SLC44A5: variants seen among roughly 807,000 people sequenced by gnomAD.
SLC44A5 encodes the protein choline transporter-like protein 5.
SLC44A5 carries 57 observed loss-of-function variants against 101.8 expected under a neutral mutation model. The ratio of observed to expected loss-of-function variants is 0.56; its 90% CI spans 0.45 to 0.70. SLC44A5 has a LOEUF of 0.70. Ranked by LOEUF, SLC44A5 falls within the 30% of genes least tolerant of loss-of-function variation. The probability of loss-of-function intolerance (pLI) is 0.00; values close to 1 mark genes in which losing one functional copy is unlikely to be tolerated. For synonymous variants in SLC44A5, 281 were observed against 290.9 expected, an observed-to-expected ratio of 0.97 and a Z score of 0.35; for missense variants, 737 against 853.1, an observed-to-expected ratio of 0.86 and a Z score of 1.70.
At chr1:75,645,504 T>C in the SLC44A5 span, among the ~76,000 whole-genome samples, 4 of 151,820 alleles carry the variant, frequency 2.6e-5, no homozygotes, top group African/African-American at 9.7e-5. Flanking sequence ...TTTGTTTGAG[T>C]TCATTGTAGA....
chr1:75,513,483 T>G (rs1452184565), intron 2 of SLC44A5, among the ~76,000 whole-genome samples: 1 of 152,210 alleles, frequency 6.6e-6, no homozygotes, highest in African/African-American at 2.4e-5. Context: ...CATAAAAGCT[T>G]AAGAACAAAA....
chr1:75,504,464 T>TA (rs146278291), intron 2 of SLC44A5, among the ~76,000 whole-genome samples: 6,635 of 152,140 alleles, frequency 0.044, 235 homozygotes, highest in Non-Finnish European at 0.066. Context: ...TGTATGTCAA[T>TA]AAAAAACATT....
At chr1:75,633,601 C>T in the SLC44A5 span, among the ~76,000 whole-genome samples, 1 of 152,078 alleles carries the variant, frequency 6.6e-6, no homozygotes, top group Non-Finnish European at 1.5e-5. Flanking sequence ...AGTTGCCTAT[C>T]AGCTTAAGGA....
chr1:75,450,258 C>A (rs1665829473), intron 2 of SLC44A5, among the ~76,000 whole-genome samples: 1 of 152,132 alleles, frequency 6.6e-6, no homozygotes, highest in African/African-American at 2.4e-5. Flanking sequence ...CAAGGGGGAG[C>A]ACTGTGTTTC....
the SLC44A5 span, among the ~76,000 whole-genome samples, chr1:75,654,165 T>A: frequency 6.6e-6 from 1 of 152,208 alleles, no homozygotes; most frequent in Non-Finnish European, 1.5e-5. Context: ...GGTTTTACTT[T>A]CTCCACATGA....
At chr1:75,338,001 C>A (rs534362424) in intron 4 of SLC44A5, among the ~76,000 whole-genome samples, 1 of 152,192 alleles carries the variant, frequency 6.6e-6, no homozygotes, top group Non-Finnish European at 1.5e-5. Context: ...TCCTTAAACA[C>A]CCCAGTTATT....
At chr1:75,573,701 A>G (rs2102045725) in intron 1 of SLC44A5, among the ~76,000 whole-genome samples, 1 of 152,270 alleles carries the variant, frequency 6.6e-6, no homozygotes, top group Admixed American at 6.5e-5. Context: ...AACTATGCCG[A>G]TTTATTGTAT....
the SLC44A5 span, among the ~76,000 whole-genome samples, chr1:75,711,878 A>T: frequency 6.6e-6 from 1 of 152,024 alleles, no homozygotes; most frequent in Non-Finnish European, 1.5e-5. Flanking sequence ...TCTTATTCTG[A>T]CTCTGGCCAA....
chr1:75,278,730 CA>C (rs1228233743), intron 5 of SLC44A5, among the ~76,000 whole-genome samples: 1 of 152,006 alleles, frequency 6.6e-6, no homozygotes, highest in Non-Finnish European at 1.5e-5. Context: ...GCTTTAAGTG[CA>C]GGAGGAAATA....
At chr1:75,577,031 T>A (rs936663353) in intron 1 of SLC44A5, among the ~76,000 whole-genome samples, 24 of 152,190 alleles carry the variant, frequency 1.6e-4, no homozygotes, top group African/African-American at 5.1e-4. Context: ...CCAATGCTTT[T>A]CCCATGATTC....
At chr1:75,443,760 T>C (rs1557789065) in intron 2 of SLC44A5, among the ~76,000 whole-genome samples, 1 of 151,724 alleles carries the variant, frequency 6.6e-6, no homozygotes, top group Non-Finnish European at 1.5e-5. Context: ...AAAATTACTG[T>C]TTATTAAAGG....
chr1:75,256,576 C>G (rs1470327945), intron 6 of SLC44A5, among the ~76,000 whole-genome samples: 1 of 152,142 alleles, frequency 6.6e-6, no homozygotes. Flanking sequence ...TTTTCAAATT[C>G]TGGAACCAAC....
chr1:75,376,532 G>A (rs1034962723), intron 3 of SLC44A5, among the ~76,000 whole-genome samples: 13 of 152,308 alleles, frequency 8.5e-5, no homozygotes, highest in Admixed American at 3.3e-4. Flanking sequence ...CCTAAACCCC[G>A]AGCAGCCTAA....
rs141131537 is a variant in SLC44A5 at position 75,541,418 on chromosome 1, T to G, written c.13+17A>C. 6.3e-6 allele frequency: 10 copies of G among 1,587,234 alleles called. No individual in the cohort carries two copies. Among genetic ancestry groups the G allele is most frequent in the Non-Finnish European group, 8.6e-6 (10 of 1,156,744 alleles). On this transcript the variant is annotated intron_variant, in intron 2 of 23. Coordinates refer to ENST00000370859, the MANE Select transcript of SLC44A5 (RefSeq NM_001130058.2). ...AAAGTCCAGATCAAGAGGAACTTAATTCAAGTAGGTGATTACCTGTGTCAT... is the reference window on the plus strand; with the variant it reads ...AAAGTCCAGATCAAGAGGAACTTAAGTCAAGTAGGTGATTACCTGTGTCAT...
At position 75,378,096 on chromosome 1, in the gene SLC44A5, G is replaced by A. The variant is rs1188009464; in HGVS notation, c.52+18487C>T. Among the ~76,000 whole-genome samples, 4 of 70,714 alleles carry A rather than the reference G, an allele frequency of 5.7e-5. 1 individual carries two copies. The Admixed American group carries it at 5.8e-4, about 10-fold the overall frequency. The allele number at this position is 70,714 out of a possible 152,430, so 46.4% of individuals were successfully genotyped here. ...AGGCTTTTCTCTAGGGTGAAGGTAC[G>A]CTCGAGCGTGGTCATTGAGGACAAG... On this transcript the variant is annotated intron_variant, in intron 3 of 23. Transcript: ENST00000370859.
chr1:75,622,677 A>C, the SLC44A5 span, among the ~76,000 whole-genome samples: 5 of 152,068 alleles, frequency 3.3e-5, no homozygotes, highest in African/African-American at 7.2e-5. Flanking sequence ...AGTTGTGTAT[A>C]ATCCACCGTT....
chr1:75,714,603 A>G, the SLC44A5 span, among the ~76,000 whole-genome samples: 1 of 152,196 alleles, frequency 6.6e-6, no homozygotes, highest in Non-Finnish European at 1.5e-5. Flanking sequence ...TACCTATAAA[A>G]TCCCACAGTC....
intron 2 of SLC44A5, among the ~76,000 whole-genome samples, chr1:75,413,020 T>C (rs372238496): frequency 1.4e-4 from 21 of 152,178 alleles, no homozygotes; most frequent in African/African-American, 5.1e-4. Context: ...GCCATTTTAT[T>C]ATCTCACACC....
chr1:75,414,357 A>G (rs1052671450), intron 2 of SLC44A5, among the ~76,000 whole-genome samples: 2 of 150,206 alleles, frequency 1.3e-5, no homozygotes, highest in Non-Finnish European at 3.0e-5. Context: ...ACACACACAC[A>G]TATATCTTTT....
Sources: gnomAD v4.1 joint callset for allele counts (sites outside exome capture counted in the v4.1 genomes callset) on GRCh38, gnomAD v4.1.1 for gene constraint, MANE v1.5 for transcripts, NCBI Gene and HGNC (gene_info 2026-07-23, HGNC 2026-07-21) for gene names.